Variants in DNAH1 observed in about 807,000 individuals in gnomAD.
DNAH1 encodes axonemal beta dynein heavy chain 1.
Under a neutral mutation model 484.3 loss-of-function variants are expected in DNAH1, and 327 were observed. The ratio of observed to expected loss-of-function variants is 0.68; its 90% CI spans 0.62 to 0.74. The LOEUF (loss-of-function observed/expected upper bound fraction) is 0.74. Among genes scored for constraint, DNAH1 ranks in the 30% least tolerant of loss-of-function variants. The probability of loss-of-function intolerance (pLI) is 0.00; values close to 1 mark genes in which losing one functional copy is unlikely to be tolerated. For synonymous variants in DNAH1, 2,192 were observed against 2,191.9 expected (o/e 1.00, Z 0.00); for missense variants, 5,052 against 5,546.8 (o/e 0.91, Z 2.83).
In DNAH1 at chr3:52,358,734, C is replaced by T. The variant is rs61739897; in HGVS notation, c.4263C>T (p.Pro1421=). 8,993 of 1,612,128 alleles carry T rather than the reference C, an allele frequency of 5.6e-3. 69 individuals carry two copies. The highest frequency in any genetic ancestry group is 0.023 in the South Asian group (2,113 of 90,968). Residue 1421 remains proline (P), a synonymous_variant, in exon 25 of 78, where the codon CCC becomes CCT. Coordinates refer to ENST00000420323, the MANE Select transcript of DNAH1 (RefSeq NM_015512.5). The surrounding 1 kb of genome is among the most constrained non-coding windows in gnomAD (Gnocchi z 4.2). The stretch of plus-strand genomic sequence containing the variant: ...TTGAGAAGGCCATCAGGGCCTACCC[C>T]ACGGTGAGCCGCCCGCAGCCCGTGC... The part of the protein sequence containing the change: ...DIIEKAIRAY[P]TMPRTQWVLN...
At chr3:52,326,019 G>A (rs1341966060) in intron 3 of DNAH1, 121 bp from the exon 4 acceptor site, 1 of 1,044,752 alleles carries the variant, frequency 9.6e-7, no homozygotes. Flanking sequence ...CCACAGGCAA[G>A]CTTTGAGCTT....
At chr3:52,342,833 T>C (rs1379687001) in intron 8 of DNAH1, among the ~76,000 whole-genome samples, 2 of 152,150 alleles carry the variant, frequency 1.3e-5, no homozygotes, top group African/African-American at 4.8e-5. Flanking sequence ...AGGCATCCAG[T>C]GTCAGTGTTG....
upstream of DNAH1, among the ~76,000 whole-genome samples, chr3:52,312,465 G>A (rs892459469): frequency 1.7e-4 from 25 of 149,662 alleles, no homozygotes; most frequent in Admixed American, 5.3e-4. Context: ...ACCCAGTATT[G>A]CCACGCTTTT....
In DNAH1 at chr3:52,322,419, TG is replaced by T. The variant is rs1283835234; in HGVS notation, c.-20del. The T allele has an allele frequency of 3.1e-6, 5 of 1,590,984 alleles. No homozygotes were observed. In the South Asian group the frequency reaches 4.6e-5, roughly 15 times the overall value. The stretch of plus-strand genomic sequence containing the variant: ...GGGTTCTTCTCCTAGGAGCTTCGGC[TG>T]GGGCATCTCCCTGAGAAGCAGCATG... On this transcript the variant is annotated 5_prime_UTR_variant, in exon 2 of 78. Coordinates refer to ENST00000420323, the MANE Select transcript of DNAH1 (RefSeq NM_015512.5).
At position 52,384,802 on chromosome 3, in the gene DNAH1, A is replaced by G. The variant is rs1392744802; in HGVS notation, c.8339A>G (p.Tyr2780Cys). 3.7e-6 allele frequency: 6 copies of G among 1,605,750 alleles called. No homozygotes were observed. The highest frequency in any genetic ancestry group is 5.1e-6 in the Non-Finnish European group (6 of 1,176,142). ...CTCCCCCAGATCCAGGTCTGTGTGT[A>G]CATCCACCAGTCGGTGTCCAAGAAG... ...EIQGLIQVCV[Y>C]IHQSVSKKCI... The change falls in exon 53 of 78, where the codon TAC becomes TGC. Residue 2780 changes from tyrosine to cysteine, a missense_variant. By Grantham distance (194) the Tyr-to-Cys change is radical (BLOSUM62 -2). Transcript: ENST00000420323.
At chr3:52,382,644 C>T (rs1339133240) in intron 50 of DNAH1, among the ~76,000 whole-genome samples, 189 bp downstream of exon 50, 1 of 152,198 alleles carries the variant, frequency 6.6e-6, no homozygotes, top group Non-Finnish European at 1.5e-5. Flanking sequence ...CCCAACCTCT[C>T]AGAGCTAAGG....
At chr3:52,365,290 TGGGCCTTGCCTCATCA>T (rs925753701) in intron 34 of DNAH1, among the ~76,000 whole-genome samples, 1 of 152,184 alleles carries the variant, frequency 6.6e-6, no homozygotes, top group Non-Finnish European at 1.5e-5. Context: ...GAGCTCCTCT[TGGGCCTTGCCTCATCA>T]GGGCCTGGCC....
intron 75 of DNAH1, among the ~76,000 whole-genome samples, chr3:52,398,551 G>T (rs1379217262): frequency 1.3e-5 from 2 of 152,180 alleles, no homozygotes; most frequent in Non-Finnish European, 2.9e-5. Context: ...GCCTCCCAAA[G>T]TGCTGGGATT....
Position 52,398,064 on chromosome 3 carries a change from C to G in DNAH1, c.11991C>G (p.Leu3997=). Residue 3997 remains leucine, a synonymous_variant, in exon 75 of 78, where the codon CTC becomes CTG. Coordinates refer to ENST00000420323, the MANE Select transcript of DNAH1 (RefSeq NM_015512.5). ...IVEDVTQNIL[L]KVPEPINLQW... ...AGGACGTCACCCAAAACATTCTGCT[C>G]AAGGTGCCTGAGCCTATCAACTTGC... 1 of 1,613,896 alleles carries G rather than the reference C, an allele frequency of 6.2e-7. No individual in the cohort carries two copies. Among genetic ancestry groups the G allele is most frequent in the Middle Eastern group, 1.7e-4 (1 of 6,060 alleles).
rs1578200944 is a variant in DNAH1 at position 52,392,759 on chromosome 3, G to A, written c.10278+70G>A. On this transcript the variant is annotated intron_variant, in intron 64 of 77. Coordinates refer to ENST00000420323, the MANE Select transcript of DNAH1 (RefSeq NM_015512.5). ...GCCTGCCCCCCACCTCTCCCTGCCT[G>A]CCCTAGGCCTGCCCCCCAAACCCCC... 8.9e-6 allele frequency: 13 copies of A among 1,462,226 alleles called. No homozygotes were observed. The Admixed American group carries it at 1.1e-4, about 12-fold the overall frequency. The allele number at this position is 1,462,226 out of a possible 1,614,324, so 90.6% of individuals were successfully genotyped here.
In DNAH1 at chr3:52,381,541, CTCAG is replaced by C. The variant is rs1703842916; in HGVS notation, c.7609-94_7609-91del. On this transcript the variant is annotated intron_variant, in intron 48 of 77. Coordinates refer to ENST00000420323, the MANE Select transcript of DNAH1 (RefSeq NM_015512.5). This position sits in a 1 kb window ranked among gnomAD's most constrained non-coding sequence, Gnocchi z 4.1. Reference sequence around the variant, plus strand: ...ACAGGTGGTCAAGGCACCTGTGCTTCTCAGTCAGGACAGAGAAGAAAGCGGGTGG... The same window carrying C: ...ACAGGTGGTCAAGGCACCTGTGCTTCTCAGGACAGAGAAGAAAGCGGGTGG... 8 of 1,203,108 alleles carry C rather than the reference CTCAG, an allele frequency of 6.6e-6. No homozygotes were observed. In the South Asian group the frequency reaches 9.7e-5, roughly 15 times the overall value. 74.5% of individuals were successfully genotyped at this position (1,203,108 alleles called of 1,614,324 possible).
chr3:52,312,873 C>T (rs980539899), upstream of DNAH1, among the ~76,000 whole-genome samples: 7 of 151,886 alleles, frequency 4.6e-5, no homozygotes, highest in Non-Finnish European at 8.8e-5. Flanking sequence ...AGGATGGTCT[C>T]GATCTCCTGA....
In DNAH1 at chr3:52,357,693, G is replaced by A. The variant is rs777712263; in HGVS notation, c.3938G>A (p.Gly1313Asp). 22 of 1,589,090 alleles carry A rather than the reference G, an allele frequency of 1.4e-5. No individual in the cohort carries two copies. The highest frequency in any genetic ancestry group is 1.8e-5 in the Non-Finnish European group (21 of 1,167,418). The part of the protein sequence containing the change: ...CNKILDLVQK[G>D]LSEYLETKRS... ...AAGATTCTGGACCTGGTGCAGAAGG[G>A]CCTCAGCGAGTATCTGGAGACCAAG... Residue 1313 changes from glycine to aspartate, a missense_variant, in exon 23 of 78, where the codon GGC becomes GAC. Physicochemically the swap from Gly to Asp is moderately conservative, Grantham distance 94 (BLOSUM62 -1). This residue lies in a region of DNAH1 where 2,929 missense variants were observed against 3,409.4 expected (regional missense o/e 0.86). Coordinates refer to ENST00000420323, the MANE Select transcript of DNAH1 (RefSeq NM_015512.5).
Position 52,361,664 on chromosome 3 carries a change from TG to T in DNAH1, c.4882del (p.Ala1628ProfsTer56). 6.2e-7 allele frequency: 1 copy of T among 1,604,192 alleles called. No individual in the cohort carries two copies. The highest frequency in any genetic ancestry group is 8.5e-7 in the Non-Finnish European group (1 of 1,175,640). ...GKFFKGLASAGAWACFDEFNR... is the reference protein window; with the variant it reads ...GKFFKGLASAXAWACFDEFNR... ...CCAATGTTCCGGCCTCACTCAGTGC[TG>T]GGGCCTGGGCCTGCTTCGACGAGTT... is the stretch of plus-strand genomic sequence containing the variant. On this transcript the variant is annotated frameshift_variant, in exon 30 of 78. Transcript: ENST00000420323. LOFTEE classifies it high-confidence loss of function. The surrounding 1 kb of genome is among the most constrained non-coding windows in gnomAD (Gnocchi z 5.6).
chr3:52,398,155 G>A lies in DNAH1; in HGVS notation c.12082G>A (p.Val4028Ile), dbSNP rs747473996. The A allele has an allele frequency of 8.1e-6, 13 of 1,599,026 alleles. No individual in the cohort carries two copies. Among genetic ancestry groups the A allele is most frequent in the Admixed American group, 1.7e-5 (1 of 59,190 alleles). Residue 4028 changes from valine to isoleucine, a missense_variant, in exon 75 of 78, where the codon GTC becomes ATC. Around this residue, in one of 4 missense-constraint regions of DNAH1, gnomAD observed 853 missense variants for 899.0 expected, o/e 0.95. Coordinates refer to ENST00000420323, the MANE Select transcript of DNAH1 (RefSeq NM_015512.5). Reference protein sequence around the residue: ...ESMNTVLVQEVIRYNRLLQVI... With the variant: ...ESMNTVLVQEIIRYNRLLQVI... Reference sequence around the variant, plus strand: ...AATGAACACAGTACTAGTACAAGAGGTCATTAGGTAATCACCCCGCCATAC... The same window carrying A: ...AATGAACACAGTACTAGTACAAGAGATCATTAGGTAATCACCCCGCCATAC...
In DNAH1 at chr3:52,375,042, T is replaced by TA. The variant is rs36095568; in HGVS notation, c.6986-185dup. Among the ~76,000 whole-genome samples, 229 of 145,054 alleles carry TA rather than the reference T, an allele frequency of 1.6e-3. 2 individuals are homozygous for TA. Among genetic ancestry groups the TA allele is most frequent in the African/African-American group, 4.0e-3 (157 of 39,270 alleles). ...CAATAAAAAGTACTTTTGAACTTTG[T>TA]AAAAAAAAAAAAAGTTAAAGGAGAG... On this transcript the variant is annotated intron_variant, in intron 44 of 77. Coordinates refer to ENST00000420323, the MANE Select transcript of DNAH1 (RefSeq NM_015512.5).
chr3:52,373,066 G>C lies in DNAH1; in HGVS notation c.6985+13G>C. 1 of 1,602,944 alleles carries C rather than the reference G, an allele frequency of 6.2e-7. No homozygotes were observed. Among genetic ancestry groups the C allele is most frequent in the East Asian group, 2.2e-5 (1 of 44,628 alleles). ...CGCAAGATCATTGGTGAGTGTGGCC[G>C]GCCTGGCTCACAGGGCAAGGGCTAC... On this transcript the variant is annotated intron_variant, in intron 44 of 77. Transcript: ENST00000420323.
chr3:52,386,464 G>A, intron 55 of DNAH1, 119 bp downstream of exon 55: 1 of 1,387,082 alleles, frequency 7.2e-7, no homozygotes. Context: ...AGCCCCCAGG[G>A]CCCAAGTAGG....
chr3:52,327,989 G>T lies in DNAH1; in HGVS notation c.846G>T (p.Leu282Phe). 6.2e-7 allele frequency: 1 copy of T among 1,613,896 alleles called. No individual in the cohort carries two copies. Among genetic ancestry groups the T allele is most frequent in the Non-Finnish European group, 8.5e-7 (1 of 1,179,824 alleles). Residue 282 changes from leucine to phenylalanine, a missense_variant, in exon 6 of 78, where the codon TTG (leucine) becomes TTT (phenylalanine). Physicochemically the swap from Leu to Phe is conservative, Grantham distance 22. Coordinates refer to ENST00000420323, the MANE Select transcript of DNAH1 (RefSeq NM_015512.5). ...DRKPVPGKAL[L>F]PTDDFLGHED... ...AACCTGTCCCGGGAAAAGCCCTCTT[G>T]CCCACTGATGACTTCCTGGGGCATG...
Sources: allele counts gnomAD v4.1 joint callset (sites outside exome capture counted in the v4.1 genomes callset), GRCh38; gene constraint gnomAD v4.1.1; regional missense constraint gnomAD v4.1.1; non-coding constraint Gnocchi (gnomAD v3.1); transcripts MANE v1.5; gene names NCBI Gene and HGNC (gene_info 2026-07-23, HGNC 2026-07-21).